LAMA3: variants seen among roughly 807,000 people sequenced by gnomAD.
LAMA3 encodes the protein laminin subunit alpha 3, also known as laminin subunit alpha-3.
Under a neutral mutation model 402.0 loss-of-function variants are expected in LAMA3, and 281 were observed. The ratio of observed to expected loss-of-function variants is 0.70; its 90% CI spans 0.63 to 0.77. LAMA3 has a LOEUF of 0.77. Ranked by LOEUF, LAMA3 falls within the 30% of genes least tolerant of loss-of-function variation. The probability of loss-of-function intolerance (pLI) is 0.00; values close to 1 mark genes in which losing one functional copy is unlikely to be tolerated. For missense variants in LAMA3, 3,840 were observed against 4,215.5 expected (o/e 0.91, Z 2.47); for synonymous variants, 1,431 against 1,558.4 (o/e 0.92, Z 1.93).
intron 28 of LAMA3, 43 bp from the exon 29 acceptor site, chr18:23,842,568 A>G: frequency 6.2e-7 from 1 of 1,614,202 alleles, no homozygotes; most frequent in South Asian, 1.1e-5. Context: ...GGCTGAATCT[A>G]CAGTCCGGTG....
At chr18:23,792,259 C>T (rs149814762) in intron 12 of LAMA3, among the ~76,000 whole-genome samples, 281 of 152,200 alleles carry the variant, frequency 1.8e-3, no homozygotes, top group African/African-American at 6.3e-3. Context: ...AAAGAAAAGA[C>T]GTTTATTTAG....
chr18:23,916,148 C>T (rs2081613866), intron 59 of LAMA3, among the ~76,000 whole-genome samples: 1 of 151,688 alleles, frequency 6.6e-6, no homozygotes, highest in African/African-American at 2.4e-5. Flanking sequence ...CTGCCTTGAA[C>T]TCCTAACCTT....
intron 20 of LAMA3, among the ~76,000 whole-genome samples, chr18:23,822,601 G>A (rs571747317): frequency 3.3e-5 from 5 of 152,176 alleles, no homozygotes; most frequent in Admixed American, 1.3e-4. Context: ...TTTAAAAATC[G>A]ATATAACAAC....
chr18:23,837,220 A>T, intron 25 of LAMA3, 131 bp downstream of exon 25: 2 of 705,628 alleles, frequency 2.8e-6, no homozygotes, highest in Non-Finnish European at 5.2e-6. Context: ...TTTAATGTTT[A>T]TTCTTCCCAT....
At chr18:23,816,054 G>T (rs1338523779) in intron 17 of LAMA3, among the ~76,000 whole-genome samples, 2 of 152,114 alleles carry the variant, frequency 1.3e-5, no homozygotes, top group African/African-American at 4.8e-5. Flanking sequence ...GGCTGCTGTT[G>T]TCTTTGCATT....
In LAMA3 at chr18:23,834,174, G is replaced by C. The variant is rs2063539335; in HGVS notation, c.2984+186G>C. 1.2e-5 allele frequency: 8 copies of C among 664,798 alleles called. No individual in the cohort carries two copies. In the South Asian group the frequency reaches 1.4e-4, roughly 12 times the overall value. The allele number at this position is 664,798 out of a possible 1,614,324, so 41.2% of individuals were successfully genotyped here. On this transcript the variant is annotated intron_variant, in intron 24 of 74. Transcript: ENST00000313654. ...TGGGTATTGGGAGTCCTCTCTATGGGCAGTGTAAAAATGTGGCATTTTCTT... is the reference window on the plus strand; with the variant it reads ...TGGGTATTGGGAGTCCTCTCTATGGCCAGTGTAAAAATGTGGCATTTTCTT...
intron 17 of LAMA3, among the ~76,000 whole-genome samples, chr18:23,815,953 C>T (rs1284503846): frequency 1.3e-5 from 2 of 152,162 alleles, no homozygotes; most frequent in Non-Finnish European, 2.9e-5. Context: ...AGGACAGGTG[C>T]CCCGCAAGGC....
At chr18:23,740,702 CAGGGGAA>C (rs1284323019) in intron 2 of LAMA3, among the ~76,000 whole-genome samples, 1 of 152,156 alleles carries the variant, frequency 6.6e-6, no homozygotes, top group Non-Finnish European at 1.5e-5. Flanking sequence ...TGCTACTCCA[CAGGGGAA>C]AGAGGGCTGA....
At chr18:23,914,635 G>A in intron 57 of LAMA3, 63 bp from the exon 58 acceptor site, 1 of 1,602,734 alleles carries the variant, frequency 6.2e-7, no homozygotes, top group Non-Finnish European at 8.5e-7. Flanking sequence ...CATTTTTAGT[G>A]GCTTGGCTTT....
intron 1 of LAMA3, among the ~76,000 whole-genome samples, chr18:23,703,203 C>T (rs2060823364): frequency 6.6e-6 from 1 of 152,140 alleles, no homozygotes; most frequent in East Asian, 1.9e-4. Context: ...ATTCTAAGTC[C>T]AGAAGCGTCT....
intron 73 of LAMA3, among the ~76,000 whole-genome samples, chr18:23,952,773 C>T (rs548041584): frequency 6.6e-6 from 1 of 152,346 alleles, no homozygotes; most frequent in South Asian, 2.1e-4. Flanking sequence ...ATAATTTCTT[C>T]TTCACAGATT....
At chr18:23,716,626 A>G (rs2061105177) in intron 2 of LAMA3, among the ~76,000 whole-genome samples, 2 of 152,080 alleles carry the variant, frequency 1.3e-5, no homozygotes, top group South Asian at 4.2e-4. Flanking sequence ...AAAATTCCCT[A>G]ATTAAGACAA....
intron 6 of LAMA3, among the ~76,000 whole-genome samples, chr18:23,756,375 A>T (rs1381131687): frequency 5.0e-4 from 71 of 141,382 alleles, no homozygotes; most frequent in Middle Eastern, 3.6e-3. Context: ...TCTCATATTT[A>T]AAAAAAAAAA....
chr18:23,726,057 C>T lies in LAMA3; in HGVS notation c.447+11985C>T, dbSNP rs545861956. The stretch of plus-strand genomic sequence containing the variant: ...TTCTTTCCCCTCCCTTCACAGTCAT[C>T]CTTGCTGGGCAGACTCTCACCATCC... On this transcript the variant is annotated intron_variant, in intron 2 of 74. Coordinates refer to ENST00000313654, the MANE Select transcript of LAMA3 (RefSeq NM_198129.4). 2.1e-4 allele frequency among the ~76,000 whole-genome samples: 32 copies of T among 152,334 alleles called. No individual in the cohort carries two copies. In the South Asian group the frequency reaches 6.6e-3, roughly 32 times the overall value.
At position 23,899,345 on chromosome 18, in the gene LAMA3, A is replaced by T; in HGVS notation, c.5894A>T (p.Asp1965Val). The change falls in exon 47 of 75, where the codon GAC becomes GTC. Residue 1965 changes from aspartate (D) to valine (V), a missense_variant. Asp to Val is a radical substitution (Grantham distance 152, BLOSUM62 -3). Transcript: ENST00000313654. ...GAGGGAAACAACGTGCCTTCAGGTGACTTTTCCAGAGAGTGGGCTGAAGCC... is the reference window on the plus strand; with the variant it reads ...GAGGGAAACAACGTGCCTTCAGGTGTCTTTTCCAGAGAGTGGGCTGAAGCC... Reference protein sequence around the residue: ...DGEGNNVPSGDFSREWAEAQR... With the variant: ...DGEGNNVPSGVFSREWAEAQR... 1 of 1,614,116 alleles carries T rather than the reference A, an allele frequency of 6.2e-7. No individual in the cohort carries two copies. The highest frequency in any genetic ancestry group is 8.5e-7 in the Non-Finnish European group (1 of 1,180,022).
intron 12 of LAMA3, among the ~76,000 whole-genome samples, chr18:23,809,679 A>G (rs1366766506): frequency 1.3e-5 from 2 of 152,184 alleles, no homozygotes; most frequent in Non-Finnish European, 2.9e-5. Context: ...GTGTTTATTC[A>G]TCACTTAGCC....
At chr18:23,924,305 C>T (rs901896932) in intron 62 of LAMA3, among the ~76,000 whole-genome samples, 11 of 152,116 alleles carry the variant, frequency 7.2e-5, no homozygotes, top group African/African-American at 2.4e-4. Flanking sequence ...GCATGTGTCA[C>T]CATGCCTGGC....
At chr18:23,724,031 CT>C (rs1411700025) in intron 2 of LAMA3, among the ~76,000 whole-genome samples, 1 of 152,106 alleles carries the variant, frequency 6.6e-6, no homozygotes, top group African/African-American at 2.4e-5. Flanking sequence ...CTTCATCCCC[CT>C]CCCACCCTTT....
At chr18:23,878,157 C>G (rs569122098) in intron 39 of LAMA3, among the ~76,000 whole-genome samples, 94 of 152,242 alleles carry the variant, frequency 6.2e-4, no homozygotes, top group Non-Finnish European at 9.7e-4. Context: ...ATCAGTGAAC[C>G]ATTGCCAGAT....
Sources: allele counts gnomAD v4.1 joint callset (sites outside exome capture counted in the v4.1 genomes callset), GRCh38; gene constraint gnomAD v4.1.1; transcripts MANE v1.5; gene names NCBI Gene and HGNC (gene_info 2026-07-23, HGNC 2026-07-21).